Variants in ALDH1L1 observed in about 807,000 individuals in gnomAD.
ALDH1L1 encodes cytosolic 10-formyltetrahydrofolate dehydrogenase.
In ALDH1L1, 68 loss-of-function variants were observed where a neutral mutation model predicts 101.1. The ratio of observed to expected loss-of-function variants is 0.67; its 90% CI spans 0.55 to 0.82. The LOEUF is 0.82. Among genes scored for constraint, ALDH1L1 ranks in the 40% least tolerant of loss-of-function variants. ALDH1L1 has a pLI of 0.00. For synonymous variants in ALDH1L1, 486 were observed against 470.8 expected (o/e 1.03, Z -0.42); for missense variants, 1,087 against 1,172.7 (o/e 0.93, Z 1.07).
intron 9 of ALDH1L1, among the ~76,000 whole-genome samples, chr3:126,140,013 G>A (rs1274040089): frequency 6.6e-6 from 1 of 152,056 alleles, no homozygotes; most frequent in Non-Finnish European, 1.5e-5. Flanking sequence ...TGGCCCCAAA[G>A]TTCCCAAACA....
intron 1 of ALDH1L1, among the ~76,000 whole-genome samples, chr3:126,166,819 G>A (rs2081176786): frequency 2.6e-5 from 4 of 151,964 alleles, no homozygotes; most frequent in Admixed American, 2.6e-4. Context: ...ACATAAGTTG[G>A]CACTTCAGTA....
chr3:126,108,517 C>G (rs1046298636), intron 20 of ALDH1L1, among the ~76,000 whole-genome samples: 1 of 152,222 alleles, frequency 6.6e-6, no homozygotes, highest in African/African-American at 2.4e-5. Flanking sequence ...CCTGGTGATG[C>G]TCCCCCAACC....
At chr3:126,155,615 TACA>T in intron 4 of ALDH1L1, 112 bp from the exon 5 acceptor site, 3 of 833,516 alleles carry the variant, frequency 3.6e-6, no homozygotes, top group Non-Finnish European at 5.3e-6. Context: ...ACTTGCCTGG[TACA>T]CAGCAGTCAC....
chr3:126,162,507 T>C (rs190694973), intron 1 of ALDH1L1, among the ~76,000 whole-genome samples: 145 of 152,342 alleles, frequency 9.5e-4, no homozygotes, highest in Non-Finnish European at 1.8e-3. Flanking sequence ...TCTGTTTTTT[T>C]CCATTGGGTG....
chr3:126,166,156 T>C (rs1312312357), intron 1 of ALDH1L1, among the ~76,000 whole-genome samples: 4 of 152,178 alleles, frequency 2.6e-5, no homozygotes, highest in African/African-American at 7.2e-5. Context: ...ACCGCACCCC[T>C]CGTCCTTCTC....
chr3:126,155,570 C>T lies in ALDH1L1; in HGVS notation c.529-67G>A, dbSNP rs1460432713. ...CTGCCTCCTTCCCAGCCCCAGGGCC[C>T]ACATTGAGCCTGGACCCTTCCCCAG... On this transcript the variant is annotated intron_variant, in intron 4 of 22. Coordinates refer to ENST00000393434, the MANE Select transcript of ALDH1L1 (RefSeq NM_012190.4). 2.1e-6 allele frequency: 3 copies of T among 1,424,182 alleles called. No homozygotes were observed. The Admixed American group carries it at 6.0e-5, about 28-fold the overall frequency. The allele number at this position is 1,424,182 out of a possible 1,614,324, so 88.2% of individuals were successfully genotyped here.
At chr3:126,139,985 A>G (rs2080534386) in intron 9 of ALDH1L1, among the ~76,000 whole-genome samples, 1 of 152,164 alleles carries the variant, frequency 6.6e-6, no homozygotes, top group Non-Finnish European at 1.5e-5. Context: ...TTCTCTAAAT[A>G]TGTATTTGAA....
At chr3:126,177,159 C>A (rs760229055) in intron 1 of ALDH1L1, among the ~76,000 whole-genome samples, 1 of 152,186 alleles carries the variant, frequency 6.6e-6, no homozygotes, top group Non-Finnish European at 1.5e-5. Flanking sequence ...TTTTTTATAA[C>A]ACGAAACATA....
chr3:126,119,244 C>T (rs975890877), intron 16 of ALDH1L1, among the ~76,000 whole-genome samples: 6 of 152,212 alleles, frequency 3.9e-5, no homozygotes, highest in African/African-American at 1.4e-4. Context: ...GCCTCTCCAG[C>T]CAAACTCCTC....
At chr3:126,181,806 T>G (rs2081477271), upstream of ALDH1L1, among the ~76,000 whole-genome samples, 1 of 152,250 alleles carries the variant, frequency 6.6e-6, no homozygotes, top group South Asian at 2.1e-4. Flanking sequence ...GCTTAATGCA[T>G]GTATTTTGCT....
intron 9 of ALDH1L1, among the ~76,000 whole-genome samples, chr3:126,141,934 C>A (rs2108263042): frequency 6.6e-6 from 1 of 151,324 alleles, no homozygotes; most frequent in Admixed American, 6.6e-5. Context: ...AAAATATCAA[C>A]AAAATTAACA....
intron 1 of ALDH1L1, among the ~76,000 whole-genome samples, chr3:126,162,605 T>C (rs534373210): frequency 5.3e-5 from 8 of 152,348 alleles, no homozygotes; most frequent in African/African-American, 1.7e-4. Context: ...TTGTCAGATA[T>C]GTGTATGGAA....
rs1946121301 is a variant in ALDH1L1 at position 126,112,775 on chromosome 3, G to A, written c.2181+7C>T. The A allele has an allele frequency of 1.2e-6, 2 of 1,612,312 alleles. No individual in the cohort carries two copies. The highest frequency in any genetic ancestry group is 2.7e-5 in the African/African-American group (2 of 74,886). Reference sequence around the variant, plus strand: ...CAGCCGCCCGCAGACCCTGGGGCAGGACTTACCACTCTCCGCACGAACTCA... The same window carrying A: ...CAGCCGCCCGCAGACCCTGGGGCAGAACTTACCACTCTCCGCACGAACTCA... On this transcript the variant is annotated splice_region_variant and intron_variant, in intron 19 of 22. Transcript: ENST00000393434.
At chr3:126,117,726 T>C (rs1036178567) in intron 17 of ALDH1L1, among the ~76,000 whole-genome samples, 1 of 152,046 alleles carries the variant, frequency 6.6e-6, no homozygotes, top group South Asian at 2.1e-4. Context: ...TTTTTGTGGG[T>C]GCTCAGTTCT....
intron 2 of ALDH1L1, chr3:126,160,566 A>G (rs2081021840): frequency 7.8e-6 from 3 of 385,754 alleles, no homozygotes; most frequent in Non-Finnish European, 1.4e-5. Flanking sequence ...TGGGTCAGAG[A>G]AGCTCTGTGT....
At chr3:126,158,761 C>A (rs2080973183) in intron 2 of ALDH1L1, 122 bp from the exon 3 acceptor site, 2 of 903,016 alleles carry the variant, frequency 2.2e-6, no homozygotes, top group South Asian at 3.2e-5. Flanking sequence ...CACCCACACC[C>A]CAGCCAGGCT....
chr3:126,158,584 T>A lies in ALDH1L1; in HGVS notation c.183A>T (p.Ala61=), dbSNP rs145462805. The A allele has an allele frequency of 4.6e-5, 75 of 1,614,192 alleles. No homozygotes were observed. The African/African-American group carries it at 9.2e-4, about 20-fold the overall frequency. ...VPVFKYSRWR[A]KGQALPDVVA... ...CCACATCAGGCAAAGCCTGTCCTTT[T>A]GCACGCCACCGGGAGTACTTGAATA... The change falls in exon 3 of 23, where the codon GCA becomes GCT. Residue 61 remains alanine (A), a synonymous_variant. Coordinates refer to ENST00000393434, the MANE Select transcript of ALDH1L1 (RefSeq NM_012190.4).
intron 6 of ALDH1L1, 124 bp from the exon 7 acceptor site, chr3:126,153,705 C>T (rs41266447): frequency 0.056 from 69,985 of 1,259,700 alleles, 2,362 homozygotes; most frequent in African/African-American, 0.12. Context: ...ACCTGGGAGC[C>T]GGCTCAAAGC....
intron 1 of ALDH1L1, among the ~76,000 whole-genome samples, chr3:126,167,883 A>G (rs1471437819): frequency 3.3e-5 from 5 of 152,208 alleles, no homozygotes; most frequent in Non-Finnish European, 7.4e-5. Context: ...CTTCGCCCAA[A>G]TTACAAAATG....
Sources: gnomAD v4.1 joint callset for allele counts (sites outside exome capture counted in the v4.1 genomes callset) on GRCh38, gnomAD v4.1.1 for gene constraint, MANE v1.5 for transcripts, NCBI Gene and HGNC (gene_info 2026-07-23, HGNC 2026-07-21) for gene names.